Variants in NEK6 observed in about 807,000 individuals in gnomAD.
The protein encoded by NEK6 is serine/threonine-protein kinase Nek6.
A neutral mutation model predicts 43.5 loss-of-function variants in NEK6; 27 were observed. That is an observed-to-expected ratio of 0.62 (90% CI 0.46 to 0.86). The LOEUF (loss-of-function observed/expected upper bound fraction) is 0.86. Ranked by LOEUF, NEK6 falls within the 40% of genes least tolerant of loss-of-function variation. The pLI is 0.00. For missense variants in NEK6, 318 were observed against 414.4 expected, an observed-to-expected ratio of 0.77 and a Z score of 2.02; for synonymous variants, 167 against 164.1, an observed-to-expected ratio of 1.02 and a Z score of -0.14.
chr9:124,310,300 A>T (rs368487761), intron 2 of NEK6, among the ~76,000 whole-genome samples: 13 of 152,256 alleles, frequency 8.5e-5, no homozygotes, highest in Admixed American at 6.5e-4. Context: ...GTGTCTGCAC[A>T]GAGCCCAGCA....
In NEK6 at chr9:124,351,493, A is replaced by T. The variant is rs1380377297; in HGVS notation, c.*546A>T. On this transcript the variant is annotated 3_prime_UTR_variant, in exon 10 of 10. Transcript: ENST00000320246. ...CTGCTAACATTTTTATCTACGTTTT[A>T]TAACTTGGTGAGTGACGATGAGAGC... 6.6e-6 allele frequency: 1 copy of T among 152,468 alleles called. No individual in the cohort carries two copies. Among genetic ancestry groups the T allele is most frequent in the Non-Finnish European group, 1.5e-5 (1 of 68,264 alleles). 9.4% of individuals were successfully genotyped at this position (152,468 alleles called of 1,614,324 possible).
At chr9:124,327,496 A>T in intron 7 of NEK6, 51 bp downstream of exon 7, 1 of 1,410,648 alleles carries the variant, frequency 7.1e-7, no homozygotes, top group Non-Finnish European at 1.0e-6. Context: ...CCTGGTGACC[A>T]TGCAGGGAGA....
intron 4 of NEK6, among the ~76,000 whole-genome samples, chr9:124,319,047 C>T (rs1833944163): frequency 6.6e-6 from 1 of 151,500 alleles, no homozygotes; most frequent in Non-Finnish European, 1.5e-5. Context: ...TGCAGTGGCA[C>T]AATCTCAGCT....
intron 7 of NEK6, among the ~76,000 whole-genome samples, chr9:124,337,873 T>C (rs569241202): frequency 3.3e-5 from 5 of 152,276 alleles, no homozygotes; most frequent in Non-Finnish European, 7.3e-5. Context: ...AGCATGGACA[T>C]TCCAGGTGCT....
chr9:124,348,872 AACAG>A (rs1564667736), intron 9 of NEK6, among the ~76,000 whole-genome samples: 1 of 152,246 alleles, frequency 6.6e-6, no homozygotes, highest in Non-Finnish European at 1.5e-5. Context: ...ACCAATAAGG[AACAG>A]ACAGACACAG....
chr9:124,330,959 A>G (rs2130980600), intron 7 of NEK6, among the ~76,000 whole-genome samples: 1 of 152,330 alleles, frequency 6.6e-6, no homozygotes, highest in Non-Finnish European at 1.5e-5. Context: ...AAAGAGTTCA[A>G]AAAACATTTT....
rs780863742 is a variant in NEK6, at chr9:124,321,520, A to G, written c.356A>G (p.Asn119Ser). 6.2e-7 allele frequency: 1 copy of G among 1,614,136 alleles called. No individual in the cohort carries two copies. Among genetic ancestry groups the G allele is most frequent in the South Asian group, 1.1e-5 (1 of 91,082 alleles). The change falls in exon 5 of 10, where the codon AAC (asparagine) becomes AGC (serine). Residue 119 changes from asparagine to serine, a missense_variant. By Grantham distance (46) the Asn-to-Ser change is conservative. This residue lies in a region of NEK6 where 239 missense variants were observed against 344.4 expected (regional missense o/e 0.69). Coordinates refer to ENST00000320246, the MANE Select transcript of NEK6 (RefSeq NM_014397.6). ...LDSFIEDNEL[N>S]IVLELADAGD... The stretch of plus-strand genomic sequence containing the variant: ...TCGTTTATCGAAGACAACGAGCTGA[A>G]CATTGTGCTGGAGTTGGCTGACGCA...
chr9:124,337,218 C>T (rs189559701), intron 7 of NEK6, among the ~76,000 whole-genome samples: 4 of 152,242 alleles, frequency 2.6e-5, no homozygotes, highest in Non-Finnish European at 2.9e-5. Context: ...CAATATGTGC[C>T]CTGCTGCCCA....
At chr9:124,338,192 G>T (rs1393533822) in intron 7 of NEK6, among the ~76,000 whole-genome samples, 1 of 152,200 alleles carries the variant, frequency 6.6e-6, no homozygotes, top group Non-Finnish European at 1.5e-5. Flanking sequence ...TGTTGGCCAT[G>T]CTGGTCTCAA....
intron 1 of NEK6, among the ~76,000 whole-genome samples, chr9:124,276,103 G>A (rs978009416): frequency 2.6e-5 from 4 of 152,120 alleles, no homozygotes; most frequent in Admixed American, 6.5e-5. Context: ...GAGGGGGAAC[G>A]GGGCTGTCCT....
intron 5 of NEK6, 73 bp downstream of exon 5, chr9:124,321,642 C>A: frequency 9.9e-7 from 1 of 1,006,104 alleles, no homozygotes; most frequent in Non-Finnish European, 1.6e-6. Flanking sequence ...CTTCCTTTAG[C>A]CCAGTCCCAC....
At position 124,347,795 on chromosome 9, in the gene NEK6, A is replaced by C; in HGVS notation, c.804A>C (p.Pro268=). ...AGATCGAGCAGTGTGACTACCCCCC[A>C]CTCCCCGGGGAGCACTACTCCGAGA... ...CQKIEQCDYP[P]LPGEHYSEKL... The change falls in exon 9 of 10, where the codon CCA becomes CCC. Residue 268 remains proline, a synonymous_variant. Coordinates refer to ENST00000320246, the MANE Select transcript of NEK6 (RefSeq NM_014397.6). The C allele has an allele frequency of 6.2e-7, 1 of 1,609,388 alleles. No homozygotes were observed. Among genetic ancestry groups the C allele is most frequent in the East Asian group, 2.2e-5 (1 of 44,668 alleles).
intron 1 of NEK6, among the ~76,000 whole-genome samples, chr9:124,289,692 C>T (rs762566352): frequency 3.3e-5 from 5 of 152,168 alleles, no homozygotes; most frequent in Non-Finnish European, 4.4e-5. Flanking sequence ...GAAATGAGCA[C>T]GTGATTAAAT....
chr9:124,310,467 G>A (rs1008696431), intron 2 of NEK6, among the ~76,000 whole-genome samples: 1 of 152,364 alleles, frequency 6.6e-6, no homozygotes, highest in East Asian at 1.9e-4. Context: ...ACCATGAGAG[G>A]TAATTAGGCC....
chr9:124,289,179 C>A (rs796350801), intron 1 of NEK6, among the ~76,000 whole-genome samples: 2 of 33,680 alleles, frequency 5.9e-5, no homozygotes, highest in Admixed American at 2.8e-4. Context: ...CCCCCCCGCC[C>A]CCCCCCGCCA....
At position 124,312,534 on chromosome 9, in the gene NEK6, G is replaced by T. The variant is rs1376354948; in HGVS notation, c.116G>T (p.Arg39Leu). ...PQRHPNTLSFRCSLADFQIEK... is the reference protein window; with the variant it reads ...PQRHPNTLSFLCSLADFQIEK... Reference sequence around the variant, plus strand: ...AGGCATCCCAACACGCTGTCTTTTCGCTGCTCGCTGGCGGACTTCCAGATC... The same window carrying T: ...AGGCATCCCAACACGCTGTCTTTTCTCTGCTCGCTGGCGGACTTCCAGATC... The change falls in exon 3 of 10, where the codon CGC (arginine) becomes CTC (leucine). Residue 39 changes from arginine (R) to leucine (L), a missense_variant. Physicochemically the swap from Arg to Leu is moderately radical, Grantham distance 102. Coordinates refer to ENST00000320246, the MANE Select transcript of NEK6 (RefSeq NM_014397.6). The T allele has an allele frequency of 6.2e-7, 1 of 1,613,936 alleles. No individual in the cohort carries two copies. The highest frequency in any genetic ancestry group is 1.3e-5 in the African/African-American group (1 of 74,940).
rs1346143292 is a variant in NEK6, at chr9:124,343,823, C to T, written c.718-3886C>T. On this transcript the variant is annotated intron_variant, in intron 8 of 9. Coordinates refer to ENST00000320246, the MANE Select transcript of NEK6 (RefSeq NM_014397.6). The surrounding 1 kb of genome is among the most constrained non-coding windows in gnomAD (Gnocchi z 5.1). Reference sequence around the variant, plus strand: ...CACAGCCGGAGAAAACCTGCCCTTCCCCAAGCCCCAGCACAGCCCGGAAGG... The same window carrying T: ...CACAGCCGGAGAAAACCTGCCCTTCTCCAAGCCCCAGCACAGCCCGGAAGG... 2.6e-5 allele frequency among the ~76,000 whole-genome samples: 4 copies of T among 152,178 alleles called. No homozygotes were observed. Among genetic ancestry groups the T allele is most frequent in the Admixed American group, 6.5e-5 (1 of 15,282 alleles).
chr9:124,306,912 T>C (rs1320774649), intron 2 of NEK6, among the ~76,000 whole-genome samples: 1 of 152,232 alleles, frequency 6.6e-6, no homozygotes, highest in African/African-American at 2.4e-5. Context: ...AGAAATGTCA[T>C]CCTGATGAAG....
intron 3 of NEK6, among the ~76,000 whole-genome samples, chr9:124,313,431 G>A (rs1356826818): frequency 7.2e-5 from 11 of 151,870 alleles, no homozygotes; most frequent in Non-Finnish European, 1.3e-4. Flanking sequence ...GTGCAGTGGC[G>A]TGATCAGCTC....
Sources: allele counts gnomAD v4.1 joint callset (sites outside exome capture counted in the v4.1 genomes callset), GRCh38; gene constraint gnomAD v4.1.1; regional missense constraint gnomAD v4.1.1; non-coding constraint Gnocchi (gnomAD v3.1); transcripts MANE v1.5; gene names NCBI Gene and HGNC (gene_info 2026-07-23, HGNC 2026-07-21).